ERP44: variants seen among roughly 807,000 people sequenced by gnomAD.
The protein encoded by ERP44 is endoplasmic reticulum resident protein 44.
ERP44 carries 25 observed loss-of-function variants against 53.4 expected under a neutral mutation model. The observed-to-expected ratio is 0.47, with a 90% confidence interval of 0.34 to 0.65. The LOEUF is 0.65. ERP44 is among the 30% of genes least tolerant of loss of function. The pLI is 0.01. For synonymous variants in ERP44, 145 were observed against 161.2 expected (o/e 0.90, Z 0.76); for missense variants, 338 against 493.2 (o/e 0.69, Z 2.98).
At chr9:100,087,197 T>C (rs1317096011) in intron 1 of ERP44, among the ~76,000 whole-genome samples, 1 of 152,102 alleles carries the variant, frequency 6.6e-6, no homozygotes, top group East Asian at 1.9e-4. Flanking sequence ...ATAAGCTTTT[T>C]TCAAAATAAT....
chr9:100,069,609 T>A (rs1826277323), intron 1 of ERP44, among the ~76,000 whole-genome samples: 2 of 152,014 alleles, frequency 1.3e-5, no homozygotes, highest in African/African-American at 4.8e-5. Context: ...ATAGATATAT[T>A]TATTTCTAAT....
In ERP44 at chr9:100,007,654, G is replaced by T; in HGVS notation, c.798C>A (p.Leu266=). 6.2e-7 allele frequency: 1 copy of T among 1,603,170 alleles called. No homozygotes were observed. The highest frequency in any genetic ancestry group is 1.3e-5 in the African/African-American group (1 of 74,828). ...LTEEGLPFLI[L]FHMKEDTESL... ...TTTCTGTATCTTCTTTCATGTGAAA[G>T]AGTATGAGAAAAGGCAGTCCTTCTT... Residue 266 remains leucine, a synonymous_variant, in exon 9 of 12, where the codon CTC becomes CTA. Coordinates refer to ENST00000262455, the MANE Select transcript of ERP44 (RefSeq NM_015051.3).
intron 3 of ERP44, among the ~76,000 whole-genome samples, chr9:100,055,590 G>A (rs1347696418): frequency 2.0e-5 from 3 of 152,098 alleles, no homozygotes; most frequent in Non-Finnish European, 2.9e-5. Context: ...AGGCTAGTCT[G>A]GAACTCCTGA....
chr9:99,983,342 G>A (rs1017213919), intron 11 of ERP44, among the ~76,000 whole-genome samples: 1 of 151,736 alleles, frequency 6.6e-6, no homozygotes, highest in Admixed American at 6.6e-5. Context: ...TCAGGAGATC[G>A]AGACCATCCT....
At position 100,023,445 on chromosome 9, in the gene ERP44, T is replaced by TTG. The variant is rs1554707584; in HGVS notation, c.287-1220_287-1219insCA. Among the ~76,000 whole-genome samples the TTG allele has an allele frequency of 4.0e-3, 571 of 141,766 alleles. 2 individuals are homozygous for TTG. The highest frequency in any genetic ancestry group is 0.026 in the Middle Eastern group (7 of 272). The allele number at this position is 141,766 out of a possible 152,430, so 93.0% of individuals were successfully genotyped here. ...AACTTTGATTTCTTTTTTTTTTTTT[T>TTG]GAAGACAGGGTCTTGCTCTGTCACC... On this transcript the variant is annotated intron_variant, in intron 4 of 11. Transcript: ENST00000262455.
intron 1 of ERP44, among the ~76,000 whole-genome samples, chr9:100,078,953 C>T (rs1826389310): frequency 1.3e-5 from 2 of 151,962 alleles, no homozygotes; most frequent in South Asian, 4.2e-4. Flanking sequence ...TTATCATTGC[C>T]TTTATTTAAA....
At chr9:100,012,288 C>T (rs1830483452) in intron 8 of ERP44, among the ~76,000 whole-genome samples, 2 of 151,972 alleles carry the variant, frequency 1.3e-5, no homozygotes, top group South Asian at 4.1e-4. Context: ...ATATCTAGTG[C>T]AATAGAGCCT....
intron 8 of ERP44, among the ~76,000 whole-genome samples, chr9:100,015,410 TC>T (rs1194365323): frequency 6.6e-6 from 1 of 151,954 alleles, no homozygotes; most frequent in Non-Finnish European, 1.5e-5. Flanking sequence ...AGGAGAGAGG[TC>T]CTTACAGACA....
intron 1 of ERP44, among the ~76,000 whole-genome samples, chr9:100,060,517 T>G (rs1441250262): frequency 6.6e-6 from 1 of 152,216 alleles, no homozygotes; most frequent in Non-Finnish European, 1.5e-5. Flanking sequence ...TTATCAGTGT[T>G]TAAAGTATAA....
At chr9:99,993,534 T>C (rs1032779540) in intron 10 of ERP44, among the ~76,000 whole-genome samples, 3 of 152,162 alleles carry the variant, frequency 2.0e-5, no homozygotes, top group African/African-American at 4.8e-5. Flanking sequence ...AAGACTTAAA[T>C]GTTAGACCTA....
intron 1 of ERP44, among the ~76,000 whole-genome samples, chr9:100,073,314 T>C (rs1483121357): frequency 1.3e-5 from 2 of 152,216 alleles, no homozygotes; most frequent in Admixed American, 6.5e-5. Context: ...CTTCTGAATA[T>C]GAACTCTCAT....
At chr9:100,044,031 T>A (rs531084618) in intron 4 of ERP44, among the ~76,000 whole-genome samples, 2 of 152,332 alleles carry the variant, frequency 1.3e-5, no homozygotes, top group African/African-American at 4.8e-5. Flanking sequence ...ATTAAAAATA[T>A]AACTGATAAG....
At chr9:100,032,960 G>A (rs1825808001) in intron 4 of ERP44, among the ~76,000 whole-genome samples, 1 of 152,094 alleles carries the variant, frequency 6.6e-6, no homozygotes. Context: ...TTGACTTTTT[G>A]CTTAAAATGT....
At chr9:100,053,775 C>G (rs1826061399) in intron 3 of ERP44, among the ~76,000 whole-genome samples, 1 of 152,120 alleles carries the variant, frequency 6.6e-6, no homozygotes, top group Admixed American at 6.5e-5. Context: ...AATTAGCAAC[C>G]AGCTGGGTTA....
intron 10 of ERP44, among the ~76,000 whole-genome samples, chr9:99,996,961 A>C (rs1298678424): frequency 6.6e-6 from 1 of 151,290 alleles, no homozygotes; most frequent in Non-Finnish European, 1.5e-5. Flanking sequence ...ACACATGTAT[A>C]TGTACACATA....
intron 1 of ERP44, among the ~76,000 whole-genome samples, chr9:100,074,984 T>C (rs1043100722): frequency 5.3e-5 from 8 of 152,052 alleles, no homozygotes; most frequent in African/African-American, 1.9e-4. Flanking sequence ...ACTGGTAGGG[T>C]GAGGGCGATG....
intron 6 of ERP44, among the ~76,000 whole-genome samples, chr9:100,019,547 A>G (rs1357249970): frequency 6.6e-6 from 1 of 152,164 alleles, no homozygotes; most frequent in Non-Finnish European, 1.5e-5. Flanking sequence ...AATAGTCATG[A>G]GCCAATGAAA....
intron 10 of ERP44, among the ~76,000 whole-genome samples, chr9:99,996,337 T>G (rs1035239539): frequency 6.6e-6 from 1 of 152,180 alleles, no homozygotes; most frequent in African/African-American, 2.4e-5. Context: ...CCTCTTTGCA[T>G]GTGCCCACTT....
At chr9:100,055,582 G>C (rs556958932) in intron 3 of ERP44, among the ~76,000 whole-genome samples, 64 of 152,282 alleles carry the variant, frequency 4.2e-4, no homozygotes, top group African/African-American at 1.4e-3. Context: ...TGTTCGTCAG[G>C]CTAGTCTGGA....
Sources: allele counts gnomAD v4.1 joint callset (sites outside exome capture counted in the v4.1 genomes callset), GRCh38; gene constraint gnomAD v4.1.1; transcripts MANE v1.5; gene names NCBI Gene and HGNC (gene_info 2026-07-23, HGNC 2026-07-21).